The following GVQW3 variants were observed in gnomAD, a reference collection of about 807,000 sequenced individuals.
GVQW3 encodes the protein GVQW motif containing 3, also known as protein GVQW3.
GVQW3 carries 7 observed loss-of-function variants against 12.5 expected under a neutral mutation model. That is an observed-to-expected ratio of 0.56 (90% CI 0.32 to 1.05). The LOEUF is 1.05. GVQW3 is among the 50% of genes least tolerant of loss of function. The pLI is 0.04. For missense variants in GVQW3, 188 were observed against 190.8 expected, an observed-to-expected ratio of 0.99 and a Z score of 0.09; for synonymous variants, 71 against 67.2, an observed-to-expected ratio of 1.06 and a Z score of -0.28.
At position 76,382,050 on chromosome 11, in the gene GVQW3, T is replaced by C; in HGVS notation, c.222T>C (p.Asn74=). ...GRPVTHRTDD[N]IQKVKDLVCS... Reference sequence around the variant, plus strand: ...CAGTCACCCACCGAACAGATGACAATATCCAGAAGGTCAAGGACTTGGTTT... The same window carrying C: ...CAGTCACCCACCGAACAGATGACAACATCCAGAAGGTCAAGGACTTGGTTT... Residue 74 remains asparagine, a synonymous_variant, in exon 1 of 2, where the codon AAT becomes AAC. Coordinates refer to ENST00000529331, the MANE Select transcript of GVQW3 (RefSeq NM_001347885.2). 6.5e-7 allele frequency: 1 copy of C among 1,536,540 alleles called. No individual in the cohort carries two copies. Among genetic ancestry groups the C allele is most frequent in the South Asian group, 1.2e-5 (1 of 84,064 alleles).
Position 76,403,805 on chromosome 11 carries a change from G to A in GVQW3, c.*47G>A, listed in dbSNP as rs1441746678. On this transcript the variant is annotated 3_prime_UTR_variant, in exon 2 of 2. Coordinates refer to ENST00000529331, the MANE Select transcript of GVQW3 (RefSeq NM_001347885.2). The stretch of plus-strand genomic sequence containing the variant: ...CAGGAGTTCAATGGTGTAAATTCCA[G>A]TCTGAGTCCACAGGCCGAAGAGCGA... 1.6e-6 allele frequency: 1 copy of A among 633,064 alleles called. No individual in the cohort carries two copies. The highest frequency in any genetic ancestry group is 1.8e-5 in the African/African-American group (1 of 55,432). The allele number at this position is 633,064 out of a possible 1,614,324, so 39.2% of individuals were successfully genotyped here.
At chr11:76,383,476 C>T (rs1946799986) in intron 1 of GVQW3, 1 of 152,194 alleles carries the variant, frequency 6.6e-6, no homozygotes, top group Non-Finnish European at 1.5e-5. Context: ...GGCTTCCAAC[C>T]TGCATCAGTA....
At chr11:76,397,424 A>G (rs982444010) in intron 1 of GVQW3, among the ~76,000 whole-genome samples, 5 of 152,250 alleles carry the variant, frequency 3.3e-5, no homozygotes, top group Non-Finnish European at 5.9e-5. Context: ...GAATACTGCT[A>G]TGAATGCTCA....
At chr11:76,397,527 C>T (rs1054141664) in intron 1 of GVQW3, among the ~76,000 whole-genome samples, 3 of 152,154 alleles carry the variant, frequency 2.0e-5, no homozygotes, top group African/African-American at 7.2e-5. Context: ...CTTGTATTCA[C>T]TGGTATGCTG....
chr11:76,395,540 A>G (rs1429537911), intron 1 of GVQW3, among the ~76,000 whole-genome samples: 9 of 152,110 alleles, frequency 5.9e-5, no homozygotes, highest in Non-Finnish European at 1.2e-4. Context: ...GTACTACAAT[A>G]TGCTCCAAGA....
At chr11:76,414,045 T>C (rs975016334) in exon 2 of GVQW3, 1 of 152,150 alleles carries the variant, frequency 6.6e-6, no homozygotes, top group Non-Finnish European at 1.5e-5. Flanking sequence ...TTAGGCTACA[T>C]TGGAGGCCGC....
intron 1 of GVQW3, chr11:76,395,183 T>C (rs1946928563): frequency 6.6e-6 from 1 of 152,232 alleles, no homozygotes; most frequent in South Asian, 2.1e-4. Context: ...AAAGTGTACA[T>C]CTCAGTTGCA....
intron 1 of GVQW3, among the ~76,000 whole-genome samples, chr11:76,402,717 TATAATTTA>T (rs1451255758): frequency 2.0e-5 from 3 of 152,126 alleles, no homozygotes; most frequent in Non-Finnish European, 2.9e-5. Flanking sequence ...TTTTTCTTAA[TATAATTTA>T]ATTTTTTTTT....
chr11:76,409,224 G>T (rs1191449682), downstream of GVQW3, among the ~76,000 whole-genome samples: 3 of 152,186 alleles, frequency 2.0e-5, no homozygotes, highest in African/African-American at 7.2e-5. Flanking sequence ...TGTTCTAGAT[G>T]TTGTAACAGA....
chr11:76,387,527 TAGTGTATATGA>T (rs1011869700), intron 1 of GVQW3, among the ~76,000 whole-genome samples: 2 of 152,196 alleles, frequency 1.3e-5, no homozygotes, highest in African/African-American at 4.8e-5. Context: ...ACCCCCAGTC[TAGTGTATATGA>T]AGTGTGTATA....
At chr11:76,401,527 A>G (rs1946988890) in intron 1 of GVQW3, among the ~76,000 whole-genome samples, 1 of 152,048 alleles carries the variant, frequency 6.6e-6, no homozygotes, top group African/African-American at 2.4e-5. Flanking sequence ...TAGTCCCAGC[A>G]CTTTGGGAGT....
At position 76,404,064 on chromosome 11, in the gene GVQW3, A is replaced by G; in HGVS notation, c.*306A>G. On this transcript the variant is annotated 3_prime_UTR_variant, in exon 2 of 2. Transcript: ENST00000529331. Reference sequence around the variant, plus strand: ...ATAATGTTTTCCCATCTATCTCAGTACCCCATGATCCAGTCAAGTGAACAT... The same window carrying G: ...ATAATGTTTTCCCATCTATCTCAGTGCCCCATGATCCAGTCAAGTGAACAT... The G allele has an allele frequency of 3.7e-6, 2 of 537,426 alleles. No individual in the cohort carries two copies. The highest frequency in any genetic ancestry group is 6.8e-6 in the Non-Finnish European group (2 of 294,466). 33.3% of individuals were successfully genotyped at this position (537,426 alleles called of 1,614,324 possible). A position where few individuals can be genotyped will look rare whatever the true frequency, so the allele number is the denominator to read the frequency against.
At chr11:76,389,269 G>C (rs1366662584) in intron 1 of GVQW3, among the ~76,000 whole-genome samples, 1 of 152,178 alleles carries the variant, frequency 6.6e-6, no homozygotes, top group Non-Finnish European at 1.5e-5. Flanking sequence ...TGCAAACTCT[G>C]GGTAGTTGGA....
At chr11:76,387,018 A>G (rs1027031452) in intron 1 of GVQW3, among the ~76,000 whole-genome samples, 2 of 152,240 alleles carry the variant, frequency 1.3e-5, no homozygotes, top group Non-Finnish European at 2.9e-5. Flanking sequence ...AAAAGTAGAC[A>G]TAGTTAATAT....
At chr11:76,396,651 A>G (rs1946942230) in intron 1 of GVQW3, among the ~76,000 whole-genome samples, 1 of 152,060 alleles carries the variant, frequency 6.6e-6, no homozygotes, top group African/African-American at 2.4e-5. Context: ...GTTTATTTAG[A>G]TTTATAAACC....
Position 76,404,328 on chromosome 11 carries a change from C to T in GVQW3, c.*570C>T, listed in dbSNP as rs373239300. ...TGCCAAAGCCATAGAACTTTAAGTG[C>T]GGAAATAGGTTTTGTGTTCAATCTG... On this transcript the variant is annotated 3_prime_UTR_variant, in exon 2 of 2. Transcript: ENST00000529331. 6.9e-5 allele frequency: 16 copies of T among 232,912 alleles called. No individual in the cohort carries two copies. Among genetic ancestry groups the T allele is most frequent in the African/African-American group, 3.1e-4 (14 of 44,590 alleles). 14.4% of individuals were successfully genotyped at this position (232,912 alleles called of 1,614,324 possible).
intron 1 of GVQW3, among the ~76,000 whole-genome samples, chr11:76,386,580 C>T (rs1946836509): frequency 6.6e-6 from 1 of 152,170 alleles, no homozygotes; most frequent in Non-Finnish European, 1.5e-5. Context: ...TGCTCAGTCT[C>T]CCTGCTATTT....
At chr11:76,388,261 C>T (rs934054950) in intron 1 of GVQW3, among the ~76,000 whole-genome samples, 3 of 152,146 alleles carry the variant, frequency 2.0e-5, no homozygotes, top group South Asian at 4.1e-4. Flanking sequence ...ACAAAACTCA[C>T]TGAAATGTAT....
At position 76,403,804 on chromosome 11, in the gene GVQW3, A is replaced by C. The variant is rs1005775313; in HGVS notation, c.*46A>C. The C allele has an allele frequency of 3.2e-6, 2 of 630,382 alleles. No individual in the cohort carries two copies. The highest frequency in any genetic ancestry group is 1.8e-5 in the African/African-American group (1 of 55,356). 39.0% of individuals were successfully genotyped at this position (630,382 alleles called of 1,614,324 possible). On this transcript the variant is annotated 3_prime_UTR_variant, in exon 2 of 2. Coordinates refer to ENST00000529331, the MANE Select transcript of GVQW3 (RefSeq NM_001347885.2). ...CCAGGAGTTCAATGGTGTAAATTCC[A>C]GTCTGAGTCCACAGGCCGAAGAGCG...
Sources: gnomAD v4.1 joint callset for allele counts (sites outside exome capture counted in the v4.1 genomes callset) on GRCh38, gnomAD v4.1.1 for gene constraint, MANE v1.5 for transcripts, NCBI Gene and HGNC (gene_info 2026-07-23, HGNC 2026-07-21) for gene names.